The following SCN1A variants were observed in gnomAD, a reference collection of about 807,000 sequenced individuals.
SCN1A encodes sodium channel protein type 1 subunit alpha.
A neutral mutation model predicts 193.7 loss-of-function variants in SCN1A; 13 were observed. That is an observed-to-expected ratio of 0.07 (90% CI 0.04 to 0.11). The LOEUF (loss-of-function observed/expected upper bound fraction) is 0.11. Ranked by LOEUF, SCN1A falls within the 10% of genes least tolerant of loss-of-function variation. The probability of loss-of-function intolerance (pLI) is 1.00; values close to 1 mark genes in which losing one functional copy is unlikely to be tolerated. For missense variants in SCN1A, 1,432 were observed against 2,451.1 expected (o/e 0.58, Z 8.78); for synonymous variants, 781 against 843.6 (o/e 0.93, Z 1.29).
intron 24 of SCN1A, 32 bp from the exon 25 acceptor site, chr2:165,999,808 G>A (rs781157815): frequency 2.8e-5 from 41 of 1,465,794 alleles, no homozygotes; most frequent in Non-Finnish European, 3.8e-5. Flanking sequence ...TTTTACTTTG[G>A]AGTAAAAATA....
chr2:166,073,255 A>T (rs1287475934), intron 4 of SCN1A, 103 bp downstream of exon 4: 6 of 1,356,290 alleles, frequency 4.4e-6, no homozygotes, highest in Non-Finnish European at 1.0e-6. Context: ...AAACAGAAGG[A>T]TACTTAAGAT....
chr2:166,094,384 T>C lies in SCN1A; in HGVS notation c.-141-16583A>G, dbSNP rs554028801. On this transcript the variant is annotated intron_variant, in intron 2 of 28. Transcript: ENST00000674923. ...GAATATCTGCCAGACAGAACAAGTT[T>C]TAGTGTAGTTGATAGTAAGTTGTGC... Among the ~76,000 whole-genome samples the C allele has an allele frequency of 4.6e-5, 7 of 152,278 alleles. No homozygotes were observed. In the East Asian group the frequency reaches 1.4e-3, roughly 29 times the overall value.
intron 20 of SCN1A, among the ~76,000 whole-genome samples, chr2:166,015,191 C>T (rs866133188): frequency 1.3e-5 from 2 of 151,746 alleles, no homozygotes; most frequent in African/African-American, 2.4e-5. Flanking sequence ...TTTCATCCAA[C>T]AATTATTGGA....
At chr2:166,074,461 C>G (rs1684794490) in intron 3 of SCN1A, among the ~76,000 whole-genome samples, 1 of 112,084 alleles carries the variant, frequency 8.9e-6, no homozygotes. Flanking sequence ...GCCATAAACT[C>G]AATAGAAACT....
chr2:166,129,864 T>C (rs1042925035), upstream of SCN1A, among the ~76,000 whole-genome samples: 2 of 152,128 alleles, frequency 1.3e-5, no homozygotes, highest in African/African-American at 4.8e-5. Context: ...TGATCCTTAG[T>C]GGTAAACCTA....
At chr2:166,089,394 T>G (rs1686517991) in intron 2 of SCN1A, among the ~76,000 whole-genome samples, 1 of 152,142 alleles carries the variant, frequency 6.6e-6, no homozygotes, top group African/African-American at 2.4e-5. Context: ...ATTCAATTAA[T>G]TAGCATTTTC....
At chr2:166,117,594 T>G (rs1321333984) in intron 2 of SCN1A, among the ~76,000 whole-genome samples, 1 of 152,226 alleles carries the variant, frequency 6.6e-6, no homozygotes, top group African/African-American at 2.4e-5. Flanking sequence ...AAATAATGTT[T>G]TTGTATCATT....
chr2:165,985,428 AAAAG>A (rs1351350172), downstream of SCN1A: 2 of 151,836 alleles, frequency 1.3e-5, no homozygotes, highest in African/African-American at 2.4e-5. Flanking sequence ...GAAGGAAAGA[AAAAG>A]GAAGGGAAGG....
intron 2 of SCN1A, among the ~76,000 whole-genome samples, chr2:166,107,492 A>C (rs1473771772): frequency 6.6e-6 from 1 of 152,220 alleles, no homozygotes; most frequent in East Asian, 1.9e-4. Flanking sequence ...AAAATACAGA[A>C]TATGTTACAG....
At chr2:166,084,257 C>T (rs59237858) in intron 2 of SCN1A, among the ~76,000 whole-genome samples, 31,735 of 145,538 alleles carry the variant, frequency 0.22, 3,668 homozygotes, top group Middle Eastern at 0.41. Flanking sequence ...ATCTCACTTC[C>T]GTTGCTGTCC....
At chr2:166,127,556 C>T (rs1558904940) in intron 1 of SCN1A, among the ~76,000 whole-genome samples, 1 of 148,058 alleles carries the variant, frequency 6.8e-6, no homozygotes, top group African/African-American at 2.5e-5. Context: ...AACTGCAAAA[C>T]AAACCTGATT....
intron 24 of SCN1A, 46 bp downstream of exon 24, chr2:166,002,426 T>C (rs1224855328): frequency 1.3e-6 from 2 of 1,550,120 alleles, no homozygotes; most frequent in Non-Finnish European, 1.8e-6. Flanking sequence ...TATTTTGTTA[T>C]TATTCCAAAC....
chr2:166,033,800 T>A (rs187224206), intron 19 of SCN1A, among the ~76,000 whole-genome samples: 76 of 152,246 alleles, frequency 5.0e-4, no homozygotes, highest in Admixed American at 1.9e-3. Context: ...ACAGAAAATG[T>A]ATATCTTATG....
intron 4 of SCN1A, among the ~76,000 whole-genome samples, chr2:166,066,150 T>A (rs563831051): frequency 6.6e-6 from 1 of 152,286 alleles, no homozygotes; most frequent in African/African-American, 2.4e-5. Context: ...TAGGCTTTTG[T>A]CAGCCAAGGC....
intron 3 of SCN1A, among the ~76,000 whole-genome samples, chr2:166,076,349 A>G (rs1257524640): frequency 6.6e-6 from 1 of 152,032 alleles, no homozygotes; most frequent in African/African-American, 2.4e-5. Flanking sequence ...TATTTTATCT[A>G]TTTGGAATTT....
At chr2:166,064,134 T>C (rs1401943836) in intron 4 of SCN1A, among the ~76,000 whole-genome samples, 2 of 152,152 alleles carry the variant, frequency 1.3e-5, no homozygotes, top group East Asian at 1.9e-4. Flanking sequence ...TTTTATCTTA[T>C]GTTAAGGGTG....
In SCN1A at chr2:165,991,292, C is replaced by G. The variant is rs758461482; in HGVS notation, c.5983G>C (p.Glu1995Gln). ...SYDRVTKPIV[E>Q]KHEQEGKDEK... is the part of the protein sequence containing the mutation. The stretch of plus-strand genomic sequence containing the variant: ...TCTTTGCCTTCTTGCTCATGTTTTT[C>G]CACAATTGGCTTTGTCACCCGGTCA... The change falls in exon 29 of 29, where the codon GAA (glutamate) becomes CAA (glutamine). Residue 1995 changes from glutamate to glutamine, a missense_variant. Glu to Gln is a conservative substitution (Grantham distance 29). Transcript: ENST00000674923. 7 of 1,613,416 alleles carry G rather than the reference C, an allele frequency of 4.3e-6. No individual in the cohort carries two copies. In the South Asian group the frequency reaches 7.7e-5, roughly 18 times the overall value.
chr2:166,043,880 G>A lies in SCN1A; in HGVS notation c.1832C>T (p.Pro611Leu). The A allele has an allele frequency of 6.2e-7, 1 of 1,614,104 alleles. No individual in the cohort carries two copies. The highest frequency in any genetic ancestry group is 8.5e-7 in the Non-Finnish European group (1 of 1,180,010). Reference protein sequence around the residue: ...NESRRDSLFVPRRHGERRNSN... With the variant: ...NESRRDSLFVLRRHGERRNSN... ...GTTGCGTCTCTCTCCGTGTCGTCGG[G>A]GCACAAACAAGGAATCTCTACGGCT... The change falls in exon 14 of 29, where the codon CCC becomes CTC. Residue 611 changes from proline to leucine, a missense_variant. Physicochemically the swap from Pro to Leu is moderately conservative, Grantham distance 98. Around this residue, in one of 18 missense-constraint regions of SCN1A, gnomAD observed 316 missense variants for 362.1 expected, o/e 0.87. Coordinates refer to ENST00000674923, the MANE Select transcript of SCN1A (RefSeq NM_001165963.4).
intron 1 of SCN1A, among the ~76,000 whole-genome samples, chr2:166,139,283 T>C (rs141395562): frequency 7.5e-4 from 112 of 150,038 alleles, no homozygotes; most frequent in African/African-American, 2.6e-3. Context: ...TGGAATGATA[T>C]GGTTTGGCTG....
Sources: gnomAD v4.1 joint callset for allele counts (sites outside exome capture counted in the v4.1 genomes callset) on GRCh38, gnomAD v4.1.1 for gene constraint, gnomAD v4.1.1 regional missense constraint, MANE v1.5 for transcripts, NCBI Gene and HGNC (gene_info 2026-07-23, HGNC 2026-07-21) for gene names.